A2M: variants seen among roughly 807,000 people sequenced by gnomAD.
The protein encoded by A2M is alpha-2-macroglobulin, also known as C3 and PZP-like alpha-2-macroglobulin domain-containing protein 5.
A2M carries 128 observed loss-of-function variants against 183.9 expected under a neutral mutation model. The ratio of observed to expected loss-of-function variants is 0.70; its 90% confidence interval spans 0.60 to 0.81. The LOEUF is 0.81. A2M is among the 30% of genes least tolerant of loss of function. A2M has a pLI of 0.00. For missense variants in A2M, 1,495 were observed against 1,787.6 expected, an observed-to-expected ratio of 0.84 and a Z score of 2.95; for synonymous variants, 592 against 670.8, an observed-to-expected ratio of 0.88 and a Z score of 1.81.
At position 9,106,172 on chromosome 12, in the gene A2M, C is replaced by G. The variant is rs1938265999; in HGVS notation, c.1104+64G>C. On this transcript the variant is annotated intron_variant, in intron 10 of 35. Transcript: ENST00000318602. ...AACCAGGCATGGTTTTAGCACAAAC[C>G]ATAACTATTGTGCTAATTAGGTAAC... 3 of 952,418 alleles carry G rather than the reference C, an allele frequency of 3.1e-6. No individual in the cohort carries two copies. The East Asian group carries it at 7.3e-5, about 23-fold the overall frequency. The allele number at this position is 952,418 out of a possible 1,614,324, so 59.0% of individuals were successfully genotyped here.
In A2M at chr12:9,076,853, A is replaced by G. The variant is rs750031856; in HGVS notation, c.3435T>C (p.Tyr1145=). ...AQEGDHGSHV[Y]TKALLAYAFA... ...AAGCATAGGCCAGCAGTGCTTTGGT[A>G]TATACATGGCTGCCATGGTCCCCTT... The change falls in exon 28 of 36, where the codon TAT becomes TAC. Residue 1145 remains tyrosine, a synonymous_variant. Transcript: ENST00000318602. The G allele has an allele frequency of 6.2e-7, 1 of 1,613,818 alleles. No individual in the cohort carries two copies. The highest frequency in any genetic ancestry group is 1.3e-5 in the African/African-American group (1 of 74,902).
In A2M at chr12:9,072,467, A is replaced by C; in HGVS notation, c.3995T>G (p.Ile1332Ser). ...GGGGAACTCTTCCTTTTCTGGGAGAATATTGTATTTCAAGGATGTCTATAG... is the reference window on the plus strand; with the variant it reads ...GGGGAACTCTTCCTTTTCTGGGAGACTATTGTATTTCAAGGATGTCTATAG... ...VYLQTSLKYNILPEKEEFPFA... is the reference protein window; with the variant it reads ...VYLQTSLKYNSLPEKEEFPFA... The change falls in exon 31 of 36, where the codon ATT (isoleucine) becomes AGT (serine). Residue 1332 changes from isoleucine (I) to serine (S), a missense_variant. Transcript: ENST00000318602. 6.2e-7 allele frequency: 1 copy of C among 1,612,210 alleles called. No individual in the cohort carries two copies. The highest frequency in any genetic ancestry group is 1.3e-5 in the African/African-American group (1 of 74,880).
intron 10 of A2M, among the ~76,000 whole-genome samples, chr12:9,105,277 T>C (rs1310560986): frequency 6.6e-6 from 1 of 152,184 alleles, no homozygotes; most frequent in Non-Finnish European, 1.5e-5. Context: ...AATAGGCACA[T>C]AATTCTGATT....
In A2M at chr12:9,074,578, G is replaced by A. The variant is rs928708801; in HGVS notation, c.3738C>T (p.Gly1246=). The part of the protein sequence containing the change: ...KWITKQQNAQ[G]GFSSTQDTVV... ...CACCAACCTGGGTGGAGGAGAAACC[G>A]CCCTGGGCATTCTGCTGCTTCGTGA... Residue 1246 remains glycine, a synonymous_variant, in exon 29 of 36, where the codon GGC becomes GGT. Coordinates refer to ENST00000318602, the MANE Select transcript of A2M (RefSeq NM_000014.6). 6.2e-6 allele frequency: 10 copies of A among 1,611,672 alleles called. No individual in the cohort carries two copies. Among genetic ancestry groups the A allele is most frequent in the Middle Eastern group, 1.6e-4 (1 of 6,062 alleles).
intron 27 of A2M, 95 bp from the exon 28 acceptor site, chr12:9,077,031 A>G: frequency 8.0e-7 from 1 of 1,246,464 alleles, no homozygotes; most frequent in East Asian, 2.4e-5. Context: ...AAGTTTTTCA[A>G]ACGCATTTTT....
intron 22 of A2M, among the ~76,000 whole-genome samples, chr12:9,085,332 T>C (rs770337818): frequency 5.9e-5 from 9 of 151,754 alleles, no homozygotes; most frequent in Non-Finnish European, 8.8e-5. Context: ...CACAATACTA[T>C]GAAAACTAGA....
At chr12:9,102,020 A>G (rs773809449) in intron 11 of A2M, among the ~76,000 whole-genome samples, 6 of 152,312 alleles carry the variant, frequency 3.9e-5, no homozygotes, top group Admixed American at 2.0e-4. Flanking sequence ...AGAGTAAATA[A>G]TCTCTAGAAA....
chr12:9,089,968 C>T lies in A2M; in HGVS notation c.2652G>A (p.Gly884=), dbSNP rs1239618348. The change falls in exon 21 of 36, where the codon GGG becomes GGA. Residue 884 remains glycine (G), a synonymous_variant. Transcript: ENST00000318602. ...AEALESQELC[G]TEVPSVPEHG... ...GTTCAGGAACTGAAGGCACCTCAGT[C>T]CCACACAGCTCTTGAGACTCTAGTG... 2.5e-6 allele frequency: 4 copies of T among 1,611,616 alleles called. No homozygotes were observed. Among genetic ancestry groups the T allele is most frequent in the Non-Finnish European group, 3.4e-6 (4 of 1,178,082 alleles).
chr12:9,083,732 GA>G (rs999114503), intron 22 of A2M, among the ~76,000 whole-genome samples: 4 of 142,974 alleles, frequency 2.8e-5, no homozygotes, highest in East Asian at 4.0e-4. Context: ...AAGCAATAAT[GA>G]AAAAAAAGAG....
chr12:9,088,118 A>G (rs903789538), intron 22 of A2M, among the ~76,000 whole-genome samples: 1 of 152,152 alleles, frequency 6.6e-6, no homozygotes, highest in Non-Finnish European at 1.5e-5. Context: ...TATAGAATGA[A>G]ACTTATACAG....
At chr12:9,069,445 C>T (rs1001079204) in intron 33 of A2M, among the ~76,000 whole-genome samples, 2 of 152,132 alleles carry the variant, frequency 1.3e-5, no homozygotes, top group Non-Finnish European at 2.9e-5. Context: ...ACAAGGGCTA[C>T]TTCCTTATAT....
At chr12:9,091,863 T>G (rs1298438197) in intron 18 of A2M, among the ~76,000 whole-genome samples, 1 of 152,250 alleles carries the variant, frequency 6.6e-6, no homozygotes, top group African/African-American at 2.4e-5. Flanking sequence ...TAGGTCCTTA[T>G]GCCCATTTTC....
At position 9,077,812 on chromosome 12, in the gene A2M, G is replaced by A. The variant is rs1327795556; in HGVS notation, c.3165C>T (p.Tyr1055=). The change falls in exon 26 of 36, where the codon TAC becomes TAT. Residue 1055 remains tyrosine, a synonymous_variant. Transcript: ENST00000318602. ...TAATGTGTGCTTCATCGATGAAGAT[G>A]TAGGCTCGAGCTTGGGCAAAAGTCT... ...VLKTFAQARA[Y]IFIDEAHITQ... is the part of the protein sequence containing the mutation. 6.2e-7 allele frequency: 1 copy of A among 1,614,192 alleles called. No individual in the cohort carries two copies. The highest frequency in any genetic ancestry group is 1.1e-5 in the South Asian group (1 of 91,088).
rs755325134 is a variant in A2M, at chr12:9,096,041, G to A, written c.1852-341C>T. ...CCCAAAGTGCTGGGATTACAGGCGT[G>A]AGCCACCGCGCCCGGCCTTTGTGAC... is the stretch of plus-strand genomic sequence containing the variant. On this transcript the variant is annotated intron_variant, in intron 15 of 35. Transcript: ENST00000318602. Among the ~76,000 whole-genome samples the A allele has an allele frequency of 3.3e-5, 5 of 151,694 alleles. No individual in the cohort carries two copies. The South Asian group carries it at 6.3e-4, about 19-fold the overall frequency.
rs746089621 is a variant in A2M at position 9,077,375 on chromosome 12, C to T, written c.3322G>A (p.Ala1108Thr). 7.4e-6 allele frequency: 12 copies of T among 1,613,462 alleles called. No individual in the cohort carries two copies. The highest frequency in any genetic ancestry group is 2.2e-5 in the South Asian group (2 of 90,900). The change falls in exon 27 of 36, where the codon GCC (alanine) becomes ACC (threonine). Residue 1108 changes from alanine to threonine, a missense_variant. By Grantham distance (58) the Ala-to-Thr change is moderately conservative (BLOSUM62 0). Transcript: ENST00000318602. ...ACTGTGAGAGGAATCTCCAGAAGGG[C>T]GATGGTGATATAGGCGGAGAGGGTC... ...EVTLSAYITI[A>T]LLEIPLTVTH... is the part of the protein sequence containing the mutation.
intron 17 of A2M, among the ~76,000 whole-genome samples, chr12:9,094,090 C>T (rs760833922): frequency 6.6e-6 from 1 of 151,858 alleles, no homozygotes; most frequent in African/African-American, 2.4e-5. Flanking sequence ...GACACAAGGC[C>T]GTGAAGAGGG....
rs766777351 is a variant in A2M at position 9,080,115 on chromosome 12, G to T, written c.2833C>A (p.Arg945=). The T allele has an allele frequency of 6.3e-7, 1 of 1,588,548 alleles. No homozygotes were observed. The highest frequency in any genetic ancestry group is 2.3e-5 in the East Asian group (1 of 43,820). ...TCACCCAAAACTGAGACAGAAGCTC[G>T]GGCAGATTCTTCTACCACATTTGGT... is the stretch of plus-strand genomic sequence containing the variant. ...LPPNVVEESA[R]ASVSVLGDIL... The change falls in exon 23 of 36, where the codon CGA becomes AGA. Residue 945 remains arginine (R), a synonymous_variant. Transcript: ENST00000318602.
chr12:9,093,498 G>A lies in A2M; in HGVS notation c.2207C>T (p.Pro736Leu). The A allele has an allele frequency of 1.9e-6, 3 of 1,613,926 alleles. No homozygotes were observed. Among genetic ancestry groups the A allele is most frequent in the Non-Finnish European group, 2.5e-6 (3 of 1,179,852 alleles). Residue 736 changes from proline (P) to leucine (L), a missense_variant, in exon 18 of 36, where the codon CCT becomes CTT. Transcript: ENST00000318602. ...CACCAAATCCCAGATCCATGTCTCAGGGAAGTACTTTCGTACGGTCTCCGT... is the reference window on the plus strand; with the variant it reads ...CACCAAATCCCAGATCCATGTCTCAAGGAAGTACTTTCGTACGGTCTCCGT... ...PHTETVRKYF[P>L]ETWIWDLVVV...
intron 20 of A2M, 24 bp downstream of exon 20, chr12:9,090,332 T>G: frequency 6.2e-7 from 1 of 1,613,876 alleles, no homozygotes; most frequent in African/African-American, 1.3e-5. Context: ...AGTAGAGAAT[T>G]ATCTCTAGCA....
Sources: gnomAD v4.1 joint callset for allele counts (sites outside exome capture counted in the v4.1 genomes callset) on GRCh38, gnomAD v4.1.1 for gene constraint, MANE v1.5 for transcripts, NCBI Gene and HGNC (gene_info 2026-07-23, HGNC 2026-07-21) for gene names.